Variants in ITGA11 observed in about 807,000 individuals in gnomAD.
ITGA11 encodes the protein integrin subunit alpha 11.
ITGA11 carries 97 observed loss-of-function variants against 141.9 expected under a neutral mutation model. The observed-to-expected ratio is 0.68, with a 90% CI of 0.58 to 0.81. ITGA11 has a LOEUF of 0.81. ITGA11 is among the 30% of genes least tolerant of loss of function. The pLI is 0.00. For missense variants in ITGA11, 1,387 were observed against 1,559.2 expected (o/e 0.89, Z 1.86); for synonymous variants, 658 against 624.6 (o/e 1.05, Z -0.80).
chr15:68,322,909 A>T lies in ITGA11; in HGVS notation c.2323-1406T>A, dbSNP rs1052654788. ...TTAAGTGAGAAGTTCAGTGTGCGGC[A>T]TGTTGAGTTTGAAGTGCCTGTGGCC... is the stretch of plus-strand genomic sequence containing the variant. On this transcript the variant is annotated intron_variant, in intron 18 of 29. Transcript: ENST00000315757. The surrounding 1 kb of genome is among the most constrained non-coding windows in gnomAD (Gnocchi z 5.6). Among the ~76,000 whole-genome samples the T allele has an allele frequency of 2.0e-5, 3 of 151,394 alleles. No individual in the cohort carries two copies. The highest frequency in any genetic ancestry group is 7.3e-5 in the African/African-American group (3 of 41,262).
chr15:68,306,179 G>C (rs1454863355), intron 28 of ITGA11, among the ~76,000 whole-genome samples: 13 of 144,130 alleles, frequency 9.0e-5, no homozygotes, highest in Admixed American at 8.5e-4. Flanking sequence ...GACAGAGCAA[G>C]ACTCCGTCTC....
At position 68,315,668 on chromosome 15, in the gene ITGA11, G is replaced by C. The variant is rs759862763; in HGVS notation, c.2775C>G (p.Ile925Met). 4.3e-6 allele frequency: 7 copies of C among 1,613,372 alleles called. No individual in the cohort carries two copies. The highest frequency in any genetic ancestry group is 4.5e-5 in the East Asian group (2 of 44,870). ...GCCCTGACCTGCCTGCAGCGAGCTC[G>C]ATCTCCAGGTGGTGTAGGAAGATGG... ...SKSIFLHHLE[I>M]ELAAGSDSNE... The change falls in exon 22 of 30, where the codon ATC (isoleucine) becomes ATG (methionine). Residue 925 changes from isoleucine to methionine, a missense_variant. Ile to Met is a conservative substitution (Grantham distance 10). Transcript: ENST00000315757.
intron 2 of ITGA11, among the ~76,000 whole-genome samples, chr15:68,371,976 A>T (rs1188198947): frequency 6.6e-6 from 1 of 152,036 alleles, no homozygotes; most frequent in Non-Finnish European, 1.5e-5. Flanking sequence ...AGTCCATAGT[A>T]CTTCATGAGG....
At chr15:68,375,874 G>C (rs2140369416) in intron 2 of ITGA11, among the ~76,000 whole-genome samples, 1 of 152,280 alleles carries the variant, frequency 6.6e-6, no homozygotes, top group South Asian at 2.1e-4. Context: ...TAGATCTGTA[G>C]GCTAAGGAAA....
intron 1 of ITGA11, among the ~76,000 whole-genome samples, chr15:68,418,471 T>C (rs1323173995): frequency 6.6e-6 from 1 of 152,158 alleles, no homozygotes; most frequent in Non-Finnish European, 1.5e-5. Context: ...TCAGTTGCCT[T>C]ATCTGTGAAA....
At chr15:68,311,443 AG>A (rs1168684703) in intron 24 of ITGA11, 40 bp from the exon 25 acceptor site, 4 of 1,414,386 alleles carry the variant, frequency 2.8e-6, no homozygotes, top group East Asian at 2.5e-5. Flanking sequence ...CAGTCAGTTG[AG>A]GGGGGTGGAA....
At chr15:68,358,693 G>A in intron 5 of ITGA11, 108 bp from the exon 6 acceptor site, 1 of 1,211,218 alleles carries the variant, frequency 8.3e-7, no homozygotes, top group Non-Finnish European at 1.1e-6. Flanking sequence ...CTCCATATGT[G>A]TAATTCCCTG....
At chr15:68,412,655 G>C (rs887792035) in intron 1 of ITGA11, among the ~76,000 whole-genome samples, 6 of 150,852 alleles carry the variant, frequency 4.0e-5, no homozygotes, top group Admixed American at 2.0e-4. Flanking sequence ...ATTAGGGAGG[G>C]GGAACTTATT....
chr15:68,363,419 C>G (rs1172225779), intron 4 of ITGA11, among the ~76,000 whole-genome samples: 1 of 152,174 alleles, frequency 6.6e-6, no homozygotes, highest in Non-Finnish European at 1.5e-5. Context: ...TGCTTTGCCT[C>G]TGGTTATGGC....
rs148850456 is a variant in ITGA11 at position 68,349,165 on chromosome 15, C to T, written c.1061-265G>A. ...AGCCCACTTACTTCTGAAAAGGGCT[C>T]GGGACAACTTATATTACAGGGCATG... is the stretch of plus-strand genomic sequence containing the variant. On this transcript the variant is annotated intron_variant, in intron 9 of 29. Transcript: ENST00000315757. Among the ~76,000 whole-genome samples, 855 of 152,292 alleles carry T rather than the reference C, an allele frequency of 5.6e-3. 4 individuals carry two copies. The highest frequency in any genetic ancestry group is 0.025 in the South Asian group (119 of 4,826).
rs900530957 is a variant in ITGA11 at position 68,328,448 on chromosome 15, C to T, written c.1902-186G>A. 3.9e-5 allele frequency among the ~76,000 whole-genome samples: 6 copies of T among 152,144 alleles called. No individual in the cohort carries two copies. The East Asian group carries it at 5.8e-4, about 15-fold the overall frequency. On this transcript the variant is annotated intron_variant, in intron 15 of 29. Coordinates refer to ENST00000315757, the MANE Select transcript of ITGA11 (RefSeq NM_001004439.2). The surrounding 1 kb of genome is among the most constrained non-coding windows in gnomAD (Gnocchi z 4.8). ...TCGGATGTCAAAGGACTGGCAAGAG[C>T]GAGCACGGGGCGAAAGGGGCTCAGC...
At chr15:68,401,526 A>G (rs1462929418) in intron 2 of ITGA11, among the ~76,000 whole-genome samples, 5 of 152,234 alleles carry the variant, frequency 3.3e-5, no homozygotes, top group Admixed American at 6.5e-5. Flanking sequence ...CTGCTCATCA[A>G]TGGAAGCATG....
intron 9 of ITGA11, 44 bp downstream of exon 9, chr15:68,350,573 A>G: frequency 6.4e-7 from 1 of 1,567,574 alleles, no homozygotes; most frequent in African/African-American, 1.4e-5. Flanking sequence ...TACCTGACAT[A>G]AGCCCAGGAG....
At chr15:68,340,319 A>G (rs1200329837) in intron 10 of ITGA11, among the ~76,000 whole-genome samples, 2 of 152,190 alleles carry the variant, frequency 1.3e-5, no homozygotes, top group African/African-American at 4.8e-5. Context: ...GGGTCAGGAA[A>G]AGTCTTCGAG....
At chr15:68,334,908 G>A (rs889332732) in intron 12 of ITGA11, among the ~76,000 whole-genome samples, 2 of 152,288 alleles carry the variant, frequency 1.3e-5, no homozygotes, top group Admixed American at 6.5e-5. Context: ...TGCCTGGGAT[G>A]GCCTGCACCC....
intron 8 of ITGA11, 101 bp downstream of exon 8, chr15:68,351,157 A>C (rs1249311993): frequency 7.7e-7 from 1 of 1,299,960 alleles, no homozygotes; most frequent in African/African-American, 1.5e-5. Flanking sequence ...GGGCCTGGAC[A>C]CTTGTGATAC....
At chr15:68,337,018 T>C (rs1169448152) in intron 11 of ITGA11, among the ~76,000 whole-genome samples, 3 of 152,214 alleles carry the variant, frequency 2.0e-5, no homozygotes, top group African/African-American at 4.8e-5. Flanking sequence ...CATGGCCATG[T>C]ATTTAGAGCA....
intron 10 of ITGA11, among the ~76,000 whole-genome samples, chr15:68,342,930 G>A (rs1276776110): frequency 6.6e-6 from 1 of 151,950 alleles, no homozygotes; most frequent in East Asian, 1.9e-4. Context: ...AAGGAGTTCT[G>A]GAGTCAGAGG....
At chr15:68,306,259 G>A (rs1429720729) in intron 28 of ITGA11, among the ~76,000 whole-genome samples, 5 of 151,490 alleles carry the variant, frequency 3.3e-5, no homozygotes, top group African/African-American at 1.2e-4. Context: ...GAGTGGGGGT[G>A]GAAGAAGGAA....
Sources: allele counts gnomAD v4.1 joint callset (sites outside exome capture counted in the v4.1 genomes callset), GRCh38; gene constraint gnomAD v4.1.1; non-coding constraint Gnocchi (gnomAD v3.1); transcripts MANE v1.5; gene names NCBI Gene and HGNC (gene_info 2026-07-23, HGNC 2026-07-21).